Variants in LRP1B observed in about 807,000 individuals in gnomAD.
LRP1B encodes low-density lipoprotein receptor-related protein 1B.
Under a neutral mutation model 556.6 loss-of-function variants are expected in LRP1B, and 217 were observed. That is an observed-to-expected ratio of 0.39 (90% CI 0.35 to 0.44). LRP1B has a LOEUF of 0.44. LRP1B is among the 20% of genes least tolerant of loss of function. The probability of loss-of-function intolerance (pLI) is 1.00; values close to 1 mark genes in which losing one functional copy is unlikely to be tolerated. For missense variants in LRP1B, 5,053 were observed against 5,620.8 expected, an observed-to-expected ratio of 0.90 and a Z score of 3.23; for synonymous variants, 2,047 against 1,865.8, an observed-to-expected ratio of 1.10 and a Z score of -2.50.
At chr2:141,293,152 A>G (rs763425191) in intron 3 of LRP1B, among the ~76,000 whole-genome samples, 59 of 152,310 alleles carry the variant, frequency 3.9e-4, no homozygotes, top group African/African-American at 4.1e-4. Flanking sequence ...AAGGAGGAGA[A>G]CATAAGTCTT....
intron 31 of LRP1B, among the ~76,000 whole-genome samples, chr2:140,815,592 G>C (rs1176364126): frequency 6.6e-6 from 1 of 152,124 alleles, no homozygotes. Flanking sequence ...CAGGGCTACT[G>C]TGTTTCTAAC....
intron 82 of LRP1B, among the ~76,000 whole-genome samples, chr2:140,320,965 A>G (rs752188473): frequency 4.6e-5 from 7 of 152,110 alleles, no homozygotes; most frequent in Admixed American, 1.3e-4. Flanking sequence ...CTGAGGCAGG[A>G]GAATTGCTTG....
At chr2:141,680,238 T>C (rs1691055290) in intron 2 of LRP1B, among the ~76,000 whole-genome samples, 1 of 152,150 alleles carries the variant, frequency 6.6e-6, no homozygotes, top group Non-Finnish European at 1.5e-5. Flanking sequence ...AGAAGTTTGA[T>C]GGTGAAAAAC....
intron 6 of LRP1B, among the ~76,000 whole-genome samples, chr2:141,189,257 T>C (rs539265672): frequency 6.6e-6 from 1 of 152,126 alleles, no homozygotes; most frequent in East Asian, 1.9e-4. Context: ...GTCTGAGCTA[T>C]GTGAGGTATG....
intron 47 of LRP1B, among the ~76,000 whole-genome samples, chr2:140,528,797 T>C (rs554966491): frequency 6.6e-6 from 1 of 151,894 alleles, no homozygotes; most frequent in Admixed American, 6.6e-5. Context: ...TCTACAGAAA[T>C]AGTAGGAACT....
intron 79 of LRP1B, among the ~76,000 whole-genome samples, chr2:140,327,976 G>GAGAT (rs1218350803): frequency 2.6e-5 from 4 of 151,990 alleles, no homozygotes; most frequent in East Asian, 1.9e-4. Flanking sequence ...TTTAATAAAA[G>GAGAT]AGATAGTCTT....
chr2:142,063,507 A>G (rs898860237), intron 1 of LRP1B, among the ~76,000 whole-genome samples: 1 of 151,694 alleles, frequency 6.6e-6, no homozygotes, highest in African/African-American at 2.4e-5. Flanking sequence ...TCAATCAGCA[A>G]CATGTCTGCC....
At chr2:142,085,675 G>C (rs561679767) in intron 1 of LRP1B, among the ~76,000 whole-genome samples, 1 of 152,238 alleles carries the variant, frequency 6.6e-6, no homozygotes, top group South Asian at 2.1e-4. Context: ...ATGTGTATGA[G>C]AGAAACAGTT....
chr2:141,137,533 A>G (rs540941994), intron 7 of LRP1B, among the ~76,000 whole-genome samples: 4 of 151,960 alleles, frequency 2.6e-5, no homozygotes, highest in Admixed American at 6.6e-5. Context: ...GCATGTATAC[A>G]CTGTGAAATG....
chr2:141,221,046 A>C (rs1382505998), intron 6 of LRP1B, among the ~76,000 whole-genome samples: 1 of 152,156 alleles, frequency 6.6e-6, no homozygotes, highest in Non-Finnish European at 1.5e-5. Context: ...GACAGAATCA[A>C]ATTCACACAT....
chr2:140,520,780 T>A (rs1690130045), intron 49 of LRP1B, among the ~76,000 whole-genome samples: 1 of 109,798 alleles, frequency 9.1e-6, no homozygotes. Flanking sequence ...AAGTTTGAAA[T>A]CTAACACTAA....
rs376484319 is a variant in LRP1B at position 140,803,370 on chromosome 2, G to A, written c.5359+10287C>T. Among the ~76,000 whole-genome samples the A allele has an allele frequency of 5.9e-4, 85 of 144,050 alleles. No individual in the cohort carries two copies. In the South Asian group the frequency reaches 0.018, roughly 30 times the overall value. The allele number at this position is 144,050 out of a possible 152,430, so 94.5% of individuals were successfully genotyped here. A position where few individuals can be genotyped will look rare whatever the true frequency, so the allele number is the denominator to read the frequency against. On this transcript the variant is annotated intron_variant, in intron 32 of 90. Transcript: ENST00000389484. The stretch of plus-strand genomic sequence containing the variant: ...TGGCTCACTGCAACCTCCACCTCCC[G>A]GGTTCAAGAGATTCTCCTACCTCAG...
chr2:141,753,263 C>CCATATATAT (rs533996017), intron 2 of LRP1B, among the ~76,000 whole-genome samples: 3 of 62,502 alleles, frequency 4.8e-5, no homozygotes, highest in Admixed American at 4.8e-4. Context: ...TCTCTCTCTC[C>CCATATATAT]ATATATATAT....
chr2:140,652,824 AG>A (rs1449509567), intron 41 of LRP1B, among the ~76,000 whole-genome samples: 1 of 152,136 alleles, frequency 6.6e-6, no homozygotes, highest in African/African-American at 2.4e-5. Context: ...AAATAGTTGT[AG>A]ATTACTTTGT....
chr2:140,495,888 T>C (rs1215934738), intron 55 of LRP1B, 140 bp from the exon 56 acceptor site: 1 of 623,694 alleles, frequency 1.6e-6, no homozygotes, highest in African/African-American at 1.8e-5. Flanking sequence ...ATTTGACCTT[T>C]GATGGGAATT....
At chr2:141,831,109 G>C (rs1200465250) in intron 1 of LRP1B, among the ~76,000 whole-genome samples, 1 of 151,368 alleles carries the variant, frequency 6.6e-6, no homozygotes, top group African/African-American at 2.4e-5. Context: ...TCTTGCCTTT[G>C]AGCAACTTAC....
chr2:141,611,787 GGAGTA>G (rs1179422668), intron 2 of LRP1B, among the ~76,000 whole-genome samples: 1 of 152,162 alleles, frequency 6.6e-6, no homozygotes, highest in African/African-American at 2.4e-5. Flanking sequence ...GTTTTCACCT[GGAGTA>G]GAATATGCTT....
At chr2:140,932,914 C>CACAT (rs1339287769) in intron 20 of LRP1B, among the ~76,000 whole-genome samples, 1 of 149,928 alleles carries the variant, frequency 6.7e-6, no homozygotes, top group African/African-American at 2.5e-5. Context: ...CACACACACA[C>CACAT]ACATATATAT....
intron 9 of LRP1B, among the ~76,000 whole-genome samples, 194 bp downstream of exon 9, chr2:141,058,689 C>T (rs1015077955): frequency 5.9e-5 from 9 of 151,792 alleles, no homozygotes; most frequent in Non-Finnish European, 1.2e-4. Flanking sequence ...AGAAACGATT[C>T]ACTAGAAACT....
Sources: gnomAD v4.1 joint callset for allele counts (sites outside exome capture counted in the v4.1 genomes callset) on GRCh38, gnomAD v4.1.1 for gene constraint, MANE v1.5 for transcripts, NCBI Gene and HGNC (gene_info 2026-07-23, HGNC 2026-07-21) for gene names.